DTWD2: variants seen among roughly 807,000 people sequenced by gnomAD.
DTWD2 encodes the protein tRNA-uridine aminocarboxypropyltransferase 2.
DTWD2 carries 39 observed loss-of-function variants against 31.8 expected under a neutral mutation model. That is an observed-to-expected ratio of 1.22 (90% CI 0.95 to 1.60). DTWD2 has a LOEUF of 1.60. DTWD2 is among the 40% of genes most tolerant of loss of function. The pLI is 0.00. For missense variants in DTWD2, 515 were observed against 381.5 expected (o/e 1.35, Z -2.92); for synonymous variants, 180 against 142.8 (o/e 1.26, Z -1.86).
chr5:118,957,103 T>G (rs78998477), intron 1 of DTWD2, among the ~76,000 whole-genome samples: 3,320 of 152,312 alleles, frequency 0.022, 125 homozygotes, highest in African/African-American at 0.073. Context: ...CATGTCTGAC[T>G]GCTTCAAGTA....
At chr5:118,851,386 T>TATCA (rs1554061416) in intron 4 of DTWD2, among the ~76,000 whole-genome samples, 5 of 151,910 alleles carry the variant, frequency 3.3e-5, no homozygotes, top group Admixed American at 1.3e-4. Flanking sequence ...CAACATCACA[T>TATCA]ATCGGTAGGA....
chr5:118,917,380 C>A (rs1428183721), intron 4 of DTWD2, among the ~76,000 whole-genome samples: 2 of 152,110 alleles, frequency 1.3e-5, no homozygotes. Context: ...GAAAAAGAAA[C>A]AGCCAGGTTT....
chr5:118,985,519 C>T (rs111243433), intron 1 of DTWD2, among the ~76,000 whole-genome samples: 3,946 of 28,872 alleles, frequency 0.14, 129 homozygotes, highest in South Asian at 0.26. Flanking sequence ...TATATATATA[C>T]ACACACATAT....
At chr5:118,896,043 T>C (rs1156728431) in intron 4 of DTWD2, among the ~76,000 whole-genome samples, 1 of 152,086 alleles carries the variant, frequency 6.6e-6, no homozygotes, top group African/African-American at 2.4e-5. Flanking sequence ...GATTACTGAA[T>C]ATAAAAAAAT....
chr5:118,982,400 T>A (rs967362773), intron 1 of DTWD2, among the ~76,000 whole-genome samples: 9 of 152,330 alleles, frequency 5.9e-5, no homozygotes, highest in African/African-American at 1.7e-4. Flanking sequence ...ATTAAGGTTA[T>A]GAAAAAATTC....
intron 5 of DTWD2, among the ~76,000 whole-genome samples, chr5:118,843,785 C>G (rs1246959820): frequency 1.3e-5 from 2 of 152,168 alleles, no homozygotes; most frequent in Non-Finnish European, 2.9e-5. Flanking sequence ...TGGATTAGAT[C>G]CCTACTCCAT....
At chr5:118,948,163 T>A (rs1460606644) in intron 1 of DTWD2, among the ~76,000 whole-genome samples, 1 of 152,130 alleles carries the variant, frequency 6.6e-6, no homozygotes. Context: ...CGATTAAGCC[T>A]GGTGGAACTG....
At chr5:118,914,056 A>AG (rs1427907595) in intron 4 of DTWD2, among the ~76,000 whole-genome samples, 2 of 152,132 alleles carry the variant, frequency 1.3e-5, no homozygotes, top group Non-Finnish European at 2.9e-5. Flanking sequence ...CACTGACCTT[A>AG]GATATGCCTT....
chr5:118,843,355 G>C (rs1033349489), intron 5 of DTWD2, among the ~76,000 whole-genome samples: 1 of 106,238 alleles, frequency 9.4e-6, no homozygotes. Context: ...GGCAGGGAGG[G>C]AGGAAGGGAG....
intron 4 of DTWD2, among the ~76,000 whole-genome samples, chr5:118,912,928 C>T (rs570708550): frequency 2.6e-5 from 4 of 152,158 alleles, no homozygotes; most frequent in Admixed American, 2.6e-4. Flanking sequence ...CTAAACATAC[C>T]AAAGCTATCA....
intron 2 of DTWD2, among the ~76,000 whole-genome samples, chr5:118,943,546 G>A (rs1212565463): frequency 6.5e-5 from 9 of 139,502 alleles, no homozygotes; most frequent in Non-Finnish European, 7.6e-5. Flanking sequence ...GCAAGACTCC[G>A]TCTCAAAAAA....
intron 4 of DTWD2, among the ~76,000 whole-genome samples, chr5:118,895,714 C>T (rs1753070482): frequency 6.6e-6 from 1 of 152,150 alleles, no homozygotes; most frequent in South Asian, 2.1e-4. Context: ...CACACACTTA[C>T]TTACAGACAA....
At chr5:118,940,373 A>T (rs547145617) in intron 2 of DTWD2, among the ~76,000 whole-genome samples, 5 of 152,218 alleles carry the variant, frequency 3.3e-5, no homozygotes, top group Non-Finnish European at 7.3e-5. Context: ...CTAAACCTTT[A>T]TCAAAGTAAT....
rs143092036 is a variant in DTWD2 at position 118,942,330 on chromosome 5, G to A, written c.309+2229C>T. 2.9e-3 allele frequency among the ~76,000 whole-genome samples: 444 copies of A among 152,150 alleles called. 1 individual carries two copies. The highest frequency in any genetic ancestry group is 0.01 in the African/African-American group (432 of 41,514). On this transcript the variant is annotated intron_variant, in intron 2 of 5. Coordinates refer to ENST00000510708, the MANE Select transcript of DTWD2 (RefSeq NM_173666.4). ...TTGAGACCTGCCTGGGCAATATAGC[G>A]AGACCCCGTTCTTAAAAACAGAAAA... is the stretch of plus-strand genomic sequence containing the variant.
chr5:118,913,398 T>C lies in DTWD2; in HGVS notation c.597+15139A>G, dbSNP rs180895208. ...CATAATCACATGAACCATATATATA[T>C]AGATATATATAGATATATATAGATA... On this transcript the variant is annotated intron_variant, in intron 4 of 5. Coordinates refer to ENST00000510708, the MANE Select transcript of DTWD2 (RefSeq NM_173666.4). Among the ~76,000 whole-genome samples the C allele has an allele frequency of 6.6e-3, 909 of 137,216 alleles. 3 individuals carry two copies. The highest frequency in any genetic ancestry group is 0.045 in the Middle Eastern group (12 of 266). The allele number at this position is 137,216 out of a possible 152,430, so 90.0% of individuals were successfully genotyped here.
chr5:118,844,779 T>C (rs925578362), intron 5 of DTWD2, among the ~76,000 whole-genome samples: 1 of 152,222 alleles, frequency 6.6e-6, no homozygotes, highest in Admixed American at 6.5e-5. Context: ...AACAAAGCTA[T>C]TCTGTGCCAA....
chr5:118,974,686 GT>G (rs1755105304), intron 1 of DTWD2: 1 of 509,110 alleles, frequency 2.0e-6, no homozygotes, highest in Non-Finnish European at 4.0e-6. Context: ...AAGATAAAAG[GT>G]TTCTTTTTTT....
intron 4 of DTWD2, among the ~76,000 whole-genome samples, chr5:118,861,754 T>C (rs1011155277): frequency 6.6e-6 from 1 of 151,532 alleles, no homozygotes; most frequent in Non-Finnish European, 1.5e-5. Context: ...GAGCAGAAAA[T>C]GAACATAAAC....
intron 5 of DTWD2, among the ~76,000 whole-genome samples, chr5:118,842,953 CTTT>C (rs1181962036): frequency 3.2e-4 from 35 of 108,806 alleles, no homozygotes; most frequent in African/African-American, 1.1e-3. Flanking sequence ...TCTTCTTCCT[CTTT>C]TTTTTTTTTT....
Sources: allele counts gnomAD v4.1 joint callset (sites outside exome capture counted in the v4.1 genomes callset), GRCh38; gene constraint gnomAD v4.1.1; transcripts MANE v1.5; gene names NCBI Gene and HGNC (gene_info 2026-07-23, HGNC 2026-07-21).